LPCAT1: variants seen among roughly 807,000 people sequenced by gnomAD.
LPCAT1 encodes the protein 1-acylglycerol-3-phosphate O-acyltransferase.
A neutral mutation model predicts 60.9 loss-of-function variants in LPCAT1; 23 were observed. That is an observed-to-expected ratio of 0.38 (90% CI 0.27 to 0.53). The LOEUF is 0.53. Among genes scored for constraint, LPCAT1 ranks in the 20% least tolerant of loss-of-function variants. The pLI is 0.82. For synonymous variants in LPCAT1, 340 were observed against 301.1 expected (o/e 1.13, Z -1.34); for missense variants, 622 against 723.6 (o/e 0.86, Z 1.61).
intron 12 of LPCAT1, among the ~76,000 whole-genome samples, chr5:1,467,626 T>G (rs930870226): frequency 2.0e-5 from 3 of 152,072 alleles, no homozygotes; most frequent in African/African-American, 7.2e-5. Flanking sequence ...GACCCCTTGA[T>G]CAGGGCCCGC....
chr5:1,468,096 G>A (rs1370931693), intron 12 of LPCAT1, among the ~76,000 whole-genome samples: 2 of 152,054 alleles, frequency 1.3e-5, no homozygotes, highest in Non-Finnish European at 2.9e-5. Context: ...AAACGCTGAC[G>A]CCTCCAGCCT....
rs1735050802 is a variant in LPCAT1 at position 1,479,568 on chromosome 5, T to A, written c.816+53A>T. The stretch of plus-strand genomic sequence containing the variant: ...ATCTGGGCATCCTGGTGTAAGCTCG[T>A]GTCTGCATCAACCACTGTGAAGAGC... On this transcript the variant is annotated intron_variant, in intron 8 of 13. Coordinates refer to ENST00000283415, the MANE Select transcript of LPCAT1 (RefSeq NM_024830.5). 1.5e-5 allele frequency: 20 copies of A among 1,290,692 alleles called. No homozygotes were observed. In the South Asian group the frequency reaches 2.4e-4, roughly 15 times the overall value. 80.0% of individuals were successfully genotyped at this position (1,290,692 alleles called of 1,614,324 possible). A position where few individuals can be genotyped will look rare whatever the true frequency, so the allele number is the denominator to read the frequency against.
At chr5:1,473,104 C>T (rs530984041) in intron 11 of LPCAT1, among the ~76,000 whole-genome samples, 2 of 152,254 alleles carry the variant, frequency 1.3e-5, no homozygotes, top group African/African-American at 4.8e-5. Flanking sequence ...GAGTGCTCCT[C>T]ACCTGCTCTC....
Position 1,494,844 on chromosome 5 carries a change from C to T in LPCAT1, c.349G>A (p.Val117Met), listed in dbSNP as rs199809414. The change falls in exon 3 of 14, where the codon GTG (valine) becomes ATG (methionine). Residue 117 changes from valine (V) to methionine (M), a missense_variant. Transcript: ENST00000283415. ...GTGGGCAGCGCCTGCCGCCCCTTCA[C>T]GGCCACCCGGTGGAAGCCGCCGGCG... Reference protein sequence around the residue: ...WFAGGFHRVAVKGRQALPTEA... With the variant: ...WFAGGFHRVAMKGRQALPTEA... 1.5e-5 allele frequency: 25 copies of T among 1,613,382 alleles called. No homozygotes were observed. The East Asian group carries it at 4.2e-4, about 27-fold the overall frequency.
At chr5:1,513,313 C>A (rs1736410935) in intron 1 of LPCAT1, among the ~76,000 whole-genome samples, 1 of 152,166 alleles carries the variant, frequency 6.6e-6, no homozygotes, top group Non-Finnish European at 1.5e-5. Flanking sequence ...TATGACGTCC[C>A]CCATGTCCAA....
chr5:1,472,370 G>T (rs980245733), intron 11 of LPCAT1, among the ~76,000 whole-genome samples: 1 of 152,076 alleles, frequency 6.6e-6, no homozygotes, highest in Non-Finnish European at 1.5e-5. Context: ...AAGGTCTTCT[G>T]AGGGAACTGA....
intron 5 of LPCAT1, among the ~76,000 whole-genome samples, chr5:1,486,351 G>A (rs926922912): frequency 1.3e-5 from 2 of 152,180 alleles, no homozygotes; most frequent in Non-Finnish European, 2.9e-5. Flanking sequence ...GAGACACTCA[G>A]GAGAAAGAAG....
intron 13 of LPCAT1, among the ~76,000 whole-genome samples, chr5:1,464,258 C>T (rs552787793): frequency 2.0e-4 from 30 of 152,298 alleles, no homozygotes; most frequent in African/African-American, 7.0e-4. Context: ...GGCAGGGGGC[C>T]GTCCTCACAG....
At chr5:1,470,773 C>T (rs757185081) in intron 12 of LPCAT1, 53 bp downstream of exon 12, 100 of 1,379,066 alleles carry the variant, frequency 7.3e-5, no homozygotes, top group African/African-American at 2.7e-4. Context: ...ATGGTGCTGA[C>T]GTGACTGCAC....
At chr5:1,509,958 G>T (rs1437356233) in intron 1 of LPCAT1, among the ~76,000 whole-genome samples, 2 of 152,222 alleles carry the variant, frequency 1.3e-5, no homozygotes, top group African/African-American at 4.8e-5. Context: ...AGGAGCGCAG[G>T]CCACATCACG....
intron 3 of LPCAT1, among the ~76,000 whole-genome samples, chr5:1,493,417 G>C (rs1247984151): frequency 6.6e-6 from 1 of 152,252 alleles, no homozygotes; most frequent in Non-Finnish European, 1.5e-5. Context: ...AGTCCATACT[G>C]AATGTGTCCC....
In LPCAT1 at chr5:1,521,179, A is replaced by G. The variant is rs1410122925; in HGVS notation, c.135+2531T>C. On this transcript the variant is annotated intron_variant, in intron 1 of 13. Coordinates refer to ENST00000283415, the MANE Select transcript of LPCAT1 (RefSeq NM_024830.5). The surrounding 1 kb of genome is among the most constrained non-coding windows in gnomAD (Gnocchi z 4.3). ...GCTTTGATACCTCTTTTCAGATCTT[A>G]ATGTGCTGTTTTCTGTCCAAAGAGA... 1.3e-4 allele frequency among the ~76,000 whole-genome samples: 20 copies of G among 152,232 alleles called. No individual in the cohort carries two copies. Among genetic ancestry groups the G allele is most frequent in the Non-Finnish European group, 5.9e-5 (4 of 68,044 alleles).
At chr5:1,515,288 T>C in intron 1 of LPCAT1, among the ~76,000 whole-genome samples, 1 of 148,874 alleles carries the variant, frequency 6.7e-6, no homozygotes, top group East Asian at 2.0e-4. Flanking sequence ...CAGGGGATCC[T>C]GCTACAAGAG....
chr5:1,491,146 G>A (rs1735562442), intron 3 of LPCAT1, among the ~76,000 whole-genome samples: 1 of 112,930 alleles, frequency 8.9e-6, no homozygotes, highest in South Asian at 3.1e-4. Context: ...GAATCATTTT[G>A]CTTTTTCACG....
rs1734184582 is a variant in LPCAT1 at position 1,463,367 on chromosome 5, C to T, written c.*284G>A. 7 of 419,768 alleles carry T rather than the reference C, an allele frequency of 1.7e-5. No individual in the cohort carries two copies. In the South Asian group the frequency reaches 2.4e-4, roughly 14 times the overall value. The allele number at this position is 419,768 out of a possible 1,614,324, so 26.0% of individuals were successfully genotyped here. On this transcript the variant is annotated 3_prime_UTR_variant, in exon 14 of 14. Coordinates refer to ENST00000283415, the MANE Select transcript of LPCAT1 (RefSeq NM_024830.5). The stretch of plus-strand genomic sequence containing the variant: ...CAGGGCCCCGTGGGAGAACACGGGG[C>T]GGCACCGGTGCCCCCCGCCCGGCAG...
At chr5:1,474,502 C>A in intron 10 of LPCAT1, 58 bp downstream of exon 10, 1 of 1,594,368 alleles carries the variant, frequency 6.3e-7, no homozygotes, top group Non-Finnish European at 8.6e-7. Flanking sequence ...CAGCCCCCGC[C>A]AGACCTCGGC....
In LPCAT1 at chr5:1,495,046, G is replaced by A. The variant is rs1735735626; in HGVS notation, c.279-132C>T. The A allele has an allele frequency of 1.3e-5, 10 of 774,702 alleles. No individual in the cohort carries two copies. The highest frequency in any genetic ancestry group is 2.7e-5 in the East Asian group (1 of 36,808). 48.0% of individuals were successfully genotyped at this position (774,702 alleles called of 1,614,324 possible). A position where few individuals can be genotyped will look rare whatever the true frequency, so the allele number is the denominator to read the frequency against. On this transcript the variant is annotated intron_variant, in intron 2 of 13. Coordinates refer to ENST00000283415, the MANE Select transcript of LPCAT1 (RefSeq NM_024830.5). This position sits in a 1 kb window ranked among gnomAD's most constrained non-coding sequence, Gnocchi z 4.7. ...CCACGGGCTTCCTGTGGTCGCCGCC[G>A]CTGGGACATCTGCTTGAGGGAAGAA... is the stretch of plus-strand genomic sequence containing the variant.
intron 9 of LPCAT1, among the ~76,000 whole-genome samples, chr5:1,475,646 A>T (rs1336908681): frequency 6.6e-6 from 1 of 152,108 alleles, no homozygotes. Flanking sequence ...TGCTTCCAAC[A>T]CTGCCTCCTA....
At chr5:1,508,805 TGCCCAG>T (rs1736263776) in intron 1 of LPCAT1, among the ~76,000 whole-genome samples, 1 of 152,182 alleles carries the variant, frequency 6.6e-6, no homozygotes, top group African/African-American at 2.4e-5. Flanking sequence ...GTGGTCACAA[TGCCCAG>T]GCCCAGGCTC....
Sources: allele counts gnomAD v4.1 joint callset (sites outside exome capture counted in the v4.1 genomes callset), GRCh38; gene constraint gnomAD v4.1.1; non-coding constraint Gnocchi (gnomAD v3.1); transcripts MANE v1.5; gene names NCBI Gene and HGNC (gene_info 2026-07-23, HGNC 2026-07-21).